ESD: variants seen among roughly 807,000 people sequenced by gnomAD.
ESD encodes S-formylglutathione hydrolase.
In ESD, 34 loss-of-function variants were observed where a neutral mutation model predicts 38.1. The observed-to-expected ratio is 0.89, with a 90% CI of 0.68 to 1.19. The LOEUF (loss-of-function observed/expected upper bound fraction) is 1.19, where lower values mean the gene tolerates loss of function less well. Ranked by LOEUF, ESD falls within the 50% of genes most tolerant of loss-of-function variation. The pLI, the probability that ESD is intolerant of heterozygous loss-of-function variation, is 0.00. For synonymous variants in ESD, 97 were observed against 107.0 expected, an observed-to-expected ratio of 0.91 and a Z score of 0.58; for missense variants, 334 against 327.2, an observed-to-expected ratio of 1.02 and a Z score of -0.16.
intron 1 of ESD, among the ~76,000 whole-genome samples, chr13:46,795,744 CT>C (rs1293199624): frequency 6.7e-6 from 1 of 148,310 alleles, no homozygotes; most frequent in Non-Finnish European, 1.5e-5. Context: ...CAAACACAGT[CT>C]TTTTTTTCTT....
rs141378255 is a variant in ESD at position 46,774,379 on chromosome 13, C to T, written c.769-2883G>A. Reference sequence around the variant, plus strand: ...GGTATCCTGCTGAAGTTACACAATTCGAGCTAATTGTATCATCCCTGACGA... The same window carrying T: ...GGTATCCTGCTGAAGTTACACAATTTGAGCTAATTGTATCATCCCTGACGA... On this transcript the variant is annotated intron_variant, in intron 9 of 9. Coordinates refer to ENST00000378720, the MANE Select transcript of ESD (RefSeq NM_001984.2). 3.9e-5 allele frequency among the ~76,000 whole-genome samples: 6 copies of T among 152,256 alleles called. No homozygotes were observed. The East Asian group carries it at 7.7e-4, about 20-fold the overall frequency.
At chr13:46,791,486 T>A in intron 2 of ESD, 66 bp from the exon 3 acceptor site, 2 of 1,194,048 alleles carry the variant, frequency 1.7e-6, no homozygotes, top group Non-Finnish European at 2.4e-6. Flanking sequence ...GAAACAAAAC[T>A]AATTGCCTTC....
At chr13:46,789,611 A>G (rs1875319470) in intron 3 of ESD, among the ~76,000 whole-genome samples, 1 of 152,078 alleles carries the variant, frequency 6.6e-6, no homozygotes. Context: ...ATTTATATCT[A>G]TACCTCTATT....
chr13:46,783,582 T>C (rs1875088192), intron 5 of ESD, among the ~76,000 whole-genome samples: 1 of 151,964 alleles, frequency 6.6e-6, no homozygotes, highest in Non-Finnish European at 1.5e-5. Context: ...TTTTTGATAT[T>C]ATTTTGAATT....
intron 9 of ESD, chr13:46,775,624 T>C (rs986661502): frequency 1.5e-5 from 7 of 470,634 alleles, no homozygotes; most frequent in Admixed American, 4.7e-5. Context: ...ATTCAGTTGT[T>C]GATTCAATTA....
intron 9 of ESD, among the ~76,000 whole-genome samples, chr13:46,772,714 G>A (rs182299195): frequency 1.3e-4 from 19 of 150,874 alleles, no homozygotes; most frequent in African/African-American, 3.4e-4. Flanking sequence ...TTTTTGAGAC[G>A]GAGTCTCACT....
intron 9 of ESD, chr13:46,775,900 T>C (rs760010736): frequency 1.3e-5 from 3 of 235,880 alleles, no homozygotes; most frequent in Non-Finnish European, 2.5e-5. Context: ...TGTCATCATG[T>C]TCTAACTGTG....
At chr13:46,775,757 C>A (rs1874776673) in intron 9 of ESD, 1 of 445,026 alleles carries the variant, frequency 2.2e-6, no homozygotes, top group African/African-American at 2.0e-5. Flanking sequence ...GCTTTGAATA[C>A]TTTCTTACTT....
chr13:46,775,298 C>T (rs1252613479), intron 9 of ESD: 1 of 152,406 alleles, frequency 6.6e-6, no homozygotes, highest in Admixed American at 6.5e-5. Flanking sequence ...TTTTTTTTGA[C>T]ATTCGACAGA....
intron 7 of ESD, 73 bp downstream of exon 7, chr13:46,781,423 T>C (rs1874995451): frequency 2.9e-6 from 4 of 1,374,014 alleles, no homozygotes; most frequent in Non-Finnish European, 4.0e-6. Flanking sequence ...TATTGTAATT[T>C]TACTCTTTGA....
rs1593411908 is a variant in ESD at position 46,792,381 on chromosome 13, G to T, written c.-7-961C>A. ...ACATGCTAATCAGCTGGAGCTTTAGGATTACTCTTTCAAAGATGTATAACA... is the reference window on the plus strand; with the variant it reads ...ACATGCTAATCAGCTGGAGCTTTAGTATTACTCTTTCAAAGATGTATAACA... On this transcript the variant is annotated intron_variant, in intron 2 of 9. Coordinates refer to ENST00000378720, the MANE Select transcript of ESD (RefSeq NM_001984.2). 2.0e-5 allele frequency among the ~76,000 whole-genome samples: 3 copies of T among 152,032 alleles called. No individual in the cohort carries two copies. The South Asian group carries it at 6.2e-4, about 32-fold the overall frequency.
intron 1 of ESD, among the ~76,000 whole-genome samples, chr13:46,793,851 G>T (rs909335941): frequency 2.6e-5 from 4 of 152,154 alleles, no homozygotes; most frequent in African/African-American, 4.8e-5. Context: ...TGGCTCAGTT[G>T]TAAGTCGAAC....
Position 46,777,535 on chromosome 13 carries a change from A to G in ESD, c.689T>C (p.Leu230Ser), listed in dbSNP as rs1489321272. The G allele has an allele frequency of 1.9e-6, 3 of 1,611,586 alleles. No homozygotes were observed. Among genetic ancestry groups the G allele is most frequent in the Admixed American group, 3.3e-5 (2 of 59,920 alleles). The part of the protein sequence containing the change: ...IDQGKDDQFL[L>S]DGQLLPDNFI... ...GTTATCAGGGAGTAACTGTCCATCT[A>G]AAAGAAACTGGTCATCTTTCCCTTG... The change falls in exon 9 of 10, where the codon TTA becomes TCA. Residue 230 changes from leucine (L) to serine (S), a missense_variant. Transcript: ENST00000378720.
At chr13:46,778,974 TTAAGAC>T (rs1347085739) in intron 8 of ESD, among the ~76,000 whole-genome samples, 2 of 140,324 alleles carry the variant, frequency 1.4e-5, no homozygotes. Context: ...TTTAAATACT[TTAAGAC>T]AAAGAAGTTG....
chr13:46,784,872 C>T (rs1021904519), intron 4 of ESD, among the ~76,000 whole-genome samples: 3 of 151,970 alleles, frequency 2.0e-5, no homozygotes, highest in Admixed American at 1.3e-4. Flanking sequence ...CAGAAATTTT[C>T]AAACTGTAGA....
At chr13:46,777,674 G>T (rs372869959) in intron 8 of ESD, 51 bp from the exon 9 acceptor site, 10 of 1,432,658 alleles carry the variant, frequency 7.0e-6, no homozygotes, top group South Asian at 6.9e-5. Flanking sequence ...TACTCTTCAG[G>T]ATATACTATA....
intron 7 of ESD, 90 bp downstream of exon 7, chr13:46,781,406 C>T (rs758530641): frequency 1.0e-4 from 128 of 1,242,388 alleles, no homozygotes; most frequent in Non-Finnish European, 1.4e-4. Flanking sequence ...AGTTCCAATA[C>T]TAACAATATT....
At chr13:46,788,153 G>GT (rs891079491) in intron 3 of ESD, among the ~76,000 whole-genome samples, 33 of 151,530 alleles carry the variant, frequency 2.2e-4, no homozygotes, top group African/African-American at 5.1e-4. Flanking sequence ...TTTTCTTTCA[G>GT]TTTTTTTTGT....
At chr13:46,772,498 G>A (rs566443103) in intron 9 of ESD, among the ~76,000 whole-genome samples, 4 of 152,120 alleles carry the variant, frequency 2.6e-5, no homozygotes, top group East Asian at 1.9e-4. Context: ...ATAAGTAAAC[G>A]TGTGCCATGG....
Sources: allele counts gnomAD v4.1 joint callset (sites outside exome capture counted in the v4.1 genomes callset), GRCh38; gene constraint gnomAD v4.1.1; transcripts MANE v1.5; gene names NCBI Gene and HGNC (gene_info 2026-07-23, HGNC 2026-07-21).